The following ELP4 variants were observed in gnomAD, a reference collection of about 807,000 sequenced individuals.
ELP4 encodes the protein elongator complex protein 4.
In ELP4, 51 loss-of-function variants were observed where a neutral mutation model predicts 48.9. That is an observed-to-expected ratio of 1.04 (90% CI 0.83 to 1.32). The LOEUF (loss-of-function observed/expected upper bound fraction) is 1.32. ELP4 is among the 40% of genes most tolerant of loss of function. The pLI, the probability that ELP4 is intolerant of heterozygous loss-of-function variation, is 0.00. For missense variants in ELP4, 519 were observed against 514.6 expected, an observed-to-expected ratio of 1.01 and a Z score of -0.08; for synonymous variants, 210 against 189.2, an observed-to-expected ratio of 1.11 and a Z score of -0.90.
At chr11:31,523,455 C>A (rs1461557779) in intron 2 of ELP4, among the ~76,000 whole-genome samples, 2 of 152,092 alleles carry the variant, frequency 1.3e-5, no homozygotes, top group Non-Finnish European at 2.9e-5. Context: ...TTTACCAAGG[C>A]AGTTTTATGT....
chr11:31,598,143 A>G (rs1182723151), intron 4 of ELP4, among the ~76,000 whole-genome samples: 1 of 151,276 alleles, frequency 6.6e-6, no homozygotes, highest in Non-Finnish European at 1.5e-5. Flanking sequence ...TTTAATAGAG[A>G]TGGGGTTTCA....
At chr11:31,580,312 A>G (rs1278174238) in intron 3 of ELP4, among the ~76,000 whole-genome samples, 1 of 152,212 alleles carries the variant, frequency 6.6e-6, no homozygotes, top group Non-Finnish European at 1.5e-5. Flanking sequence ...ATACTCTTTG[A>G]GACTTGATAA....
At chr11:31,697,748 G>T (rs1946440740) in intron 9 of ELP4, among the ~76,000 whole-genome samples, 1 of 151,996 alleles carries the variant, frequency 6.6e-6, no homozygotes, top group African/African-American at 2.4e-5. Flanking sequence ...GACTTGAAAT[G>T]CAATCAGGGT....
intron 9 of ELP4, among the ~76,000 whole-genome samples, chr11:31,749,886 C>G (rs1318480651): frequency 6.7e-6 from 1 of 148,970 alleles, no homozygotes; most frequent in Non-Finnish European, 1.5e-5. Context: ...GACGGAGTCT[C>G]GCTCTGTCGC....
intron 9 of ELP4, among the ~76,000 whole-genome samples, chr11:31,695,911 G>C (rs996172814): frequency 8.6e-5 from 13 of 151,734 alleles, no homozygotes; most frequent in African/African-American, 3.1e-4. Flanking sequence ...TGTATGTGTT[G>C]AGGAATTTAT....
At chr11:31,658,712 T>A (rs1945490668) in intron 9 of ELP4, among the ~76,000 whole-genome samples, 1 of 151,982 alleles carries the variant, frequency 6.6e-6, no homozygotes, top group African/African-American at 2.4e-5. Flanking sequence ...GTATTTTAAA[T>A]TTTTCTAAGG....
Position 31,789,938 on chromosome 11 carries a change from T to TTA in ELP4, c.*6414_*6415insTA. 2 of 1,439,006 alleles carry TTA rather than the reference T, an allele frequency of 1.4e-6. No individual in the cohort carries two copies. The highest frequency in any genetic ancestry group is 1.5e-5 in the African/African-American group (1 of 65,006). 89.1% of individuals were successfully genotyped at this position (1,439,006 alleles called of 1,614,324 possible). ...TTTTTTTTTTTTTTTTTTTTTTTAC[T>TTA]GTAATCTTGGCCAGTATTGAGACAT... is the stretch of plus-strand genomic sequence containing the variant. On this transcript the variant is annotated 3_prime_UTR_variant, in exon 10 of 10. Transcript: ENST00000640961.
chr11:31,710,756 A>G (rs1174636068), intron 9 of ELP4, among the ~76,000 whole-genome samples: 2 of 152,214 alleles, frequency 1.3e-5, no homozygotes, highest in Non-Finnish European at 2.9e-5. Flanking sequence ...CATACGGATG[A>G]GAAGAATAAG....
chr11:31,781,017 G>A (rs1255444116), intron 9 of ELP4, among the ~76,000 whole-genome samples: 4 of 152,148 alleles, frequency 2.6e-5, no homozygotes, highest in Non-Finnish European at 2.9e-5. Flanking sequence ...GTTTGTGTCT[G>A]CCTTTCTTGT....
At chr11:31,544,993 A>C (rs1052454723) in intron 3 of ELP4, among the ~76,000 whole-genome samples, 12 of 152,086 alleles carry the variant, frequency 7.9e-5, no homozygotes, top group Admixed American at 2.0e-4. Context: ...CACACCAAAA[A>C]CCCATCTTTA....
At chr11:31,780,177 C>G (rs1948339835) in intron 9 of ELP4, among the ~76,000 whole-genome samples, 1 of 152,074 alleles carries the variant, frequency 6.6e-6, no homozygotes, top group Non-Finnish European at 1.5e-5. Flanking sequence ...TATCTTGCAG[C>G]ATTTTTTTTC....
intron 3 of ELP4, among the ~76,000 whole-genome samples, chr11:31,579,262 G>A (rs568102556): frequency 2.6e-4 from 39 of 152,202 alleles, no homozygotes; most frequent in Middle Eastern, 3.4e-3. Flanking sequence ...TTAGAATGGC[G>A]ATCATTAAAA....
intron 9 of ELP4, among the ~76,000 whole-genome samples, chr11:31,752,316 A>G (rs1332049227): frequency 1.3e-5 from 2 of 152,240 alleles, no homozygotes; most frequent in East Asian, 3.8e-4. Context: ...CATAGAAGAA[A>G]AGTTCCTATC....
At chr11:31,632,079 T>A in intron 6 of ELP4, 138 bp from the exon 7 acceptor site, 1 of 606,004 alleles carries the variant, frequency 1.7e-6, no homozygotes, top group East Asian at 2.8e-5. Flanking sequence ...CTTTATGTAC[T>A]AATAGTACAT....
chr11:31,789,278 C>T lies in ELP4; in HGVS notation c.*5754C>T, dbSNP rs987081552. 10 of 222,660 alleles carry T rather than the reference C, an allele frequency of 4.5e-5. No individual in the cohort carries two copies. Among genetic ancestry groups the T allele is most frequent in the East Asian group, 2.1e-4 (3 of 14,622 alleles). The allele number at this position is 222,660 out of a possible 1,614,324, so 13.8% of individuals were successfully genotyped here. A position where few individuals can be genotyped will look rare whatever the true frequency, so the allele number is the denominator to read the frequency against. On this transcript the variant is annotated 3_prime_UTR_variant, in exon 10 of 10. Coordinates refer to ENST00000640961, the MANE Select transcript of ELP4 (RefSeq NM_019040.5). ...CAAATACTTACATTTTGACATAAAACAAATTGGATTATATCGAAGACACAC... is the reference window on the plus strand; with the variant it reads ...CAAATACTTACATTTTGACATAAAATAAATTGGATTATATCGAAGACACAC...
Position 31,789,038 on chromosome 11 carries a change from G to C in ELP4, c.*5514G>C, listed in dbSNP as rs559569624. On this transcript the variant is annotated 3_prime_UTR_variant, in exon 10 of 10. Transcript: ENST00000640961. ...CAAAACACTTAAGTTTAAAACTCTT[G>C]CAAGCACTTTTAATTGATTAGGAAT... is the stretch of plus-strand genomic sequence containing the variant. 7 of 201,334 alleles carry C rather than the reference G, an allele frequency of 3.5e-5. No homozygotes were observed. The highest frequency in any genetic ancestry group is 1.6e-4 in the African/African-American group (7 of 43,764). 12.5% of individuals were successfully genotyped at this position (201,334 alleles called of 1,614,324 possible). A position where few individuals can be genotyped will look rare whatever the true frequency, so the allele number is the denominator to read the frequency against.
At chr11:31,556,802 G>C (rs1956936560) in intron 3 of ELP4, among the ~76,000 whole-genome samples, 2 of 151,968 alleles carry the variant, frequency 1.3e-5, no homozygotes, top group African/African-American at 4.8e-5. Flanking sequence ...GGAGGCTAGG[G>C]TGCTTTAAAC....
intron 7 of ELP4, chr11:31,647,499 C>T: frequency 6.2e-6 from 2 of 320,580 alleles, no homozygotes; most frequent in South Asian, 6.8e-5. Flanking sequence ...TGTCTTCTAC[C>T]AATTTATGTT....
At chr11:31,521,047 A>G (rs994176595) in intron 2 of ELP4, among the ~76,000 whole-genome samples, 1 of 152,024 alleles carries the variant, frequency 6.6e-6, no homozygotes, top group South Asian at 2.1e-4. Flanking sequence ...CTATTTATTG[A>G]CCCCTAAGGT....
Sources: allele counts gnomAD v4.1 joint callset (sites outside exome capture counted in the v4.1 genomes callset), GRCh38; gene constraint gnomAD v4.1.1; transcripts MANE v1.5; gene names NCBI Gene and HGNC (gene_info 2026-07-23, HGNC 2026-07-21).